The following ASTN2 variants were observed in gnomAD, a reference collection of about 807,000 sequenced individuals.
The protein encoded by ASTN2 is astrotactin 2.
A neutral mutation model predicts 139.8 loss-of-function variants in ASTN2; 54 were observed. The observed-to-expected ratio is 0.39, with a 90% CI of 0.31 to 0.48. ASTN2 has a LOEUF of 0.48. Among genes scored for constraint, ASTN2 ranks in the 20% least tolerant of loss-of-function variants. The pLI, the probability that ASTN2 is intolerant of heterozygous loss-of-function variation, is 0.95. For missense variants in ASTN2, 1,565 were observed against 1,725.1 expected (o/e 0.91, Z 1.64); for synonymous variants, 756 against 719.5 (o/e 1.05, Z -0.81).
At chr9:116,535,973 C>A (rs1266504747) in intron 19 of ASTN2, among the ~76,000 whole-genome samples, 1 of 152,154 alleles carries the variant, frequency 6.6e-6, no homozygotes, top group East Asian at 1.9e-4. Context: ...TTCCATTCTC[C>A]CCGTCACTTT....
intron 17 of ASTN2, among the ~76,000 whole-genome samples, chr9:116,645,729 C>T (rs1276457544): frequency 6.6e-6 from 1 of 152,178 alleles, no homozygotes; most frequent in Non-Finnish European, 1.5e-5. Context: ...CAACAGAATA[C>T]AAGTTCCAGC....
chr9:116,860,270 C>G (rs1406346866), intron 11 of ASTN2, among the ~76,000 whole-genome samples: 1 of 152,144 alleles, frequency 6.6e-6, no homozygotes, highest in Non-Finnish European at 1.5e-5. Flanking sequence ...AAATGAAATT[C>G]AGTTACAGAA....
chr9:117,141,409 T>A lies in ASTN2; in HGVS notation c.1085A>T (p.Asn362Ile). 4 of 1,367,548 alleles carry A rather than the reference T, an allele frequency of 2.9e-6. No individual in the cohort carries two copies. The highest frequency in any genetic ancestry group is 3.9e-6 in the Non-Finnish European group (4 of 1,021,834). 84.7% of individuals were successfully genotyped at this position (1,367,548 alleles called of 1,614,324 possible). A position where few individuals can be genotyped will look rare whatever the true frequency, so the allele number is the denominator to read the frequency against. ...MQKFKESFRANTPIEIGQLQP... is the reference protein window; with the variant it reads ...MQKFKESFRAITPIEIGQLQP... ...CAGCTGACCGATCTCGATGGGCGTGTTAGCGCGGAAACTCTCCTTGAACTT... is the reference window on the plus strand; with the variant it reads ...CAGCTGACCGATCTCGATGGGCGTGATAGCGCGGAAACTCTCCTTGAACTT... The change falls in exon 4 of 23, where the codon AAC becomes ATC. Residue 362 changes from asparagine to isoleucine, a missense_variant. Asn to Ile is a moderately radical substitution (Grantham distance 149). This residue lies in a region of ASTN2 where 596 missense variants were observed against 576.8 expected (regional missense o/e 1.03). Transcript: ENST00000313400.
At chr9:117,192,882 A>G (rs998837030) in intron 3 of ASTN2, among the ~76,000 whole-genome samples, 1 of 152,246 alleles carries the variant, frequency 6.6e-6, no homozygotes, top group African/African-American at 2.4e-5. Flanking sequence ...AAAGTGTTCA[A>G]TAACACACAG....
At chr9:116,616,474 A>G (rs1855861099) in intron 19 of ASTN2, among the ~76,000 whole-genome samples, 1 of 152,232 alleles carries the variant, frequency 6.6e-6, no homozygotes, top group African/African-American at 2.4e-5. Flanking sequence ...TGTGCTGGGC[A>G]TAAGACAGAC....
chr9:116,484,525 G>A (rs1457852161), intron 20 of ASTN2, among the ~76,000 whole-genome samples: 2 of 152,128 alleles, frequency 1.3e-5, no homozygotes, highest in African/African-American at 4.8e-5. Context: ...GAATCCCCAA[G>A]AACTGACACT....
chr9:117,077,152 G>A (rs1828303136), intron 5 of ASTN2, among the ~76,000 whole-genome samples: 2 of 152,128 alleles, frequency 1.3e-5, no homozygotes, highest in South Asian at 4.1e-4. Flanking sequence ...GGAAACAAGG[G>A]ACAGACACAA....
chr9:116,586,033 A>G (rs1854132527), intron 19 of ASTN2: 1 of 152,230 alleles, frequency 6.6e-6, no homozygotes, highest in African/African-American at 2.4e-5. Flanking sequence ...AGCAGCCAAT[A>G]AACATGAAAA....
chr9:117,267,407 A>G (rs1187301120), intron 2 of ASTN2, among the ~76,000 whole-genome samples: 1 of 152,156 alleles, frequency 6.6e-6, no homozygotes, highest in Non-Finnish European at 1.5e-5. Context: ...TAATCTCATC[A>G]CATTAGAGAC....
At chr9:117,256,331 C>T (rs1038419913) in intron 2 of ASTN2, among the ~76,000 whole-genome samples, 1 of 152,186 alleles carries the variant, frequency 6.6e-6, no homozygotes, top group Admixed American at 6.5e-5. Context: ...GCAGCTGGTG[C>T]AGTCCTCAGA....
chr9:117,216,815 G>T (rs1832337573), intron 2 of ASTN2, among the ~76,000 whole-genome samples: 1 of 152,050 alleles, frequency 6.6e-6, no homozygotes, highest in African/African-American at 2.4e-5. Context: ...AGAGGAAAGG[G>T]CTGGGGGCAA....
At chr9:116,706,079 A>C (rs1827981578) in intron 16 of ASTN2, among the ~76,000 whole-genome samples, 1 of 152,164 alleles carries the variant, frequency 6.6e-6, no homozygotes, top group Non-Finnish European at 1.5e-5. Context: ...ATGAATCAGA[A>C]TCTCCTTAGA....
rs1833360146 is a variant in ASTN2 at position 116,878,385 on chromosome 9, G to T, written c.1890-14652C>A. Among the ~76,000 whole-genome samples the T allele has an allele frequency of 2.6e-5, 4 of 152,298 alleles. No homozygotes were observed. In the South Asian group the frequency reaches 8.3e-4, roughly 32 times the overall value. On this transcript the variant is annotated intron_variant, in intron 10 of 22. Transcript: ENST00000313400. ...ATACTATGCAGCCATAAAAAGGAAG[G>T]TCATGTCCTTTGCAGGGGCACAGTT...
chr9:117,116,380 C>A (rs563564337), intron 4 of ASTN2, among the ~76,000 whole-genome samples: 1 of 152,080 alleles, frequency 6.6e-6, no homozygotes, highest in Admixed American at 6.6e-5. Context: ...TCTTGTGAAC[C>A]TATGTAGATT....
At chr9:117,272,095 AC>A (rs1414058189) in intron 2 of ASTN2, among the ~76,000 whole-genome samples, 10 of 152,154 alleles carry the variant, frequency 6.6e-5, no homozygotes, top group Admixed American at 6.5e-4. Flanking sequence ...CCTGCAGCAA[AC>A]TTTTGCCTGG....
chr9:116,666,647 T>A (rs1858879642), intron 16 of ASTN2, among the ~76,000 whole-genome samples: 1 of 152,144 alleles, frequency 6.6e-6, no homozygotes, highest in Non-Finnish European at 1.5e-5. Flanking sequence ...TCTTTTGTAT[T>A]TTATTTTATG....
intron 4 of ASTN2, among the ~76,000 whole-genome samples, chr9:117,114,339 G>A (rs924587868): frequency 6.6e-6 from 1 of 152,122 alleles, no homozygotes; most frequent in Non-Finnish European, 1.5e-5. Context: ...AGAGGGATGA[G>A]TATCCTCACT....
At chr9:117,136,222 C>T (rs1217049793) in intron 4 of ASTN2, among the ~76,000 whole-genome samples, 2 of 152,110 alleles carry the variant, frequency 1.3e-5, no homozygotes, top group Admixed American at 1.3e-4. Context: ...TTATTCTGGC[C>T]TATGGAAATC....
At chr9:116,791,039 G>GAAAGAAAGAAAGAAAGA (rs1554746886) in intron 13 of ASTN2, among the ~76,000 whole-genome samples, 4 of 82,168 alleles carry the variant, frequency 4.9e-5, no homozygotes, top group African/African-American at 1.2e-4. Context: ...AAGAAAGAAA[G>GAAAGAAAGAAAGAAAGA]AAAGAAAAGA....
Sources: allele counts gnomAD v4.1 joint callset (sites outside exome capture counted in the v4.1 genomes callset), GRCh38; gene constraint gnomAD v4.1.1; regional missense constraint gnomAD v4.1.1; transcripts MANE v1.5; gene names NCBI Gene and HGNC (gene_info 2026-07-23, HGNC 2026-07-21).